The following TLR6 variants were observed in gnomAD, a reference collection of about 807,000 sequenced individuals.
TLR6 encodes the protein toll-like receptor 6.
A neutral mutation model predicts 16.1 loss-of-function variants in TLR6; 9 were observed. That is an observed-to-expected ratio of 0.56 (90% confidence interval 0.34 to 0.98). The LOEUF (loss-of-function observed/expected upper bound fraction) is 0.98, where lower values mean the gene tolerates loss of function less well. TLR6 is among the 50% of genes least tolerant of loss of function. TLR6 has a pLI of 0.02. For missense variants in TLR6, 786 were observed against 921.0 expected, an observed-to-expected ratio of 0.85 and a Z score of 1.90; for synonymous variants, 340 against 338.6, an observed-to-expected ratio of 1.00 and a Z score of -0.04.
intron 1 of TLR6, among the ~76,000 whole-genome samples, chr4:38,844,861 C>T (rs1231885335): frequency 6.6e-6 from 1 of 152,106 alleles, no homozygotes; most frequent in African/African-American, 2.4e-5. Flanking sequence ...CGAGACCAGC[C>T]TTGCCAACAT....
At chr4:38,830,868 G>C (rs1711541394) in intron 1 of TLR6, among the ~76,000 whole-genome samples, 1 of 152,110 alleles carries the variant, frequency 6.6e-6, no homozygotes, top group Non-Finnish European at 1.5e-5. Flanking sequence ...CAGTGGACTT[G>C]CTCTACGTTT....
At chr4:38,864,810 G>C in the TLR6 span, among the ~76,000 whole-genome samples, 124 of 152,266 alleles carry the variant, frequency 8.1e-4, 3 homozygotes, top group African/African-American at 2.9e-3. Flanking sequence ...CCAGGAGTTT[G>C]AGACCAGCCT....
At position 38,829,442 on chromosome 4, in the gene TLR6, CT is replaced by C; in HGVS notation, c.31del (p.Ser11AlafsTer8). 6.2e-7 allele frequency: 1 copy of C among 1,613,238 alleles called. No homozygotes were observed. The highest frequency in any genetic ancestry group is 8.5e-7 in the Non-Finnish European group (1 of 1,179,750). On this transcript the variant is annotated frameshift_variant, in exon 2 of 2. Coordinates refer to ENST00000436693, the Ensembl canonical transcript of TLR6. LOFTEE classifies it low-confidence loss of function (END_TRUNC). ...GATCATAAGGCAAACAAAATGGAAG[CT>C]TTTAACAATAGGTTCTTTGTCTTTG...
At chr4:38,844,978 G>A (rs943252553) in intron 1 of TLR6, among the ~76,000 whole-genome samples, 5 of 152,110 alleles carry the variant, frequency 3.3e-5, no homozygotes, top group Non-Finnish European at 7.3e-5. Flanking sequence ...AGAATCGTTC[G>A]AACCTGGGAG....
exon 2 of TLR6, chr4:38,828,564 A>G (rs1249113195): frequency 3.1e-6 from 5 of 1,613,914 alleles, no homozygotes; most frequent in East Asian, 2.2e-5. Flanking sequence ...AATGCTTTCA[A>G]TGTCGTTTTA....
At chr4:38,859,510 T>C (rs1432388264), upstream of TLR6, among the ~76,000 whole-genome samples, 7 of 151,382 alleles carry the variant, frequency 4.6e-5, no homozygotes, top group African/African-American at 1.5e-4. Context: ...TCTCAAAAGA[T>C]ACATAAGAAA....
chr4:38,848,717 G>T (rs533948867), intron 1 of TLR6, among the ~76,000 whole-genome samples: 1 of 152,312 alleles, frequency 6.6e-6, no homozygotes, highest in Non-Finnish European at 1.5e-5. Flanking sequence ...AGTGAGAAGA[G>T]AAGTTTAGAG....
chr4:38,834,984 A>G (rs961022563), intron 1 of TLR6, among the ~76,000 whole-genome samples: 11 of 152,264 alleles, frequency 7.2e-5, no homozygotes, highest in African/African-American at 2.7e-4. Flanking sequence ...CATAAATGAA[A>G]GAGAAAAGAG....
intron 1 of TLR6, among the ~76,000 whole-genome samples, chr4:38,855,167 G>A (rs1234803306): frequency 6.7e-6 from 1 of 150,120 alleles, no homozygotes; most frequent in East Asian, 2.0e-4. Context: ...AGCCGAGATC[G>A]TGCCGCTGCA....
intron 1 of TLR6, among the ~76,000 whole-genome samples, chr4:38,839,309 T>TA (rs148750205): frequency 0.019 from 2,302 of 119,308 alleles, 37 homozygotes; most frequent in African/African-American, 0.068. Context: ...TGATTTTTTT[T>TA]TAAAAAAAAT....
At chr4:38,849,310 G>A (rs1712671025) in intron 1 of TLR6, among the ~76,000 whole-genome samples, 1 of 152,180 alleles carries the variant, frequency 6.6e-6, no homozygotes, top group South Asian at 2.1e-4. Context: ...ACCGGTACCA[G>A]CCACTGCAAC....
the TLR6 span, among the ~76,000 whole-genome samples, chr4:38,866,774 T>C: frequency 6.6e-6 from 1 of 152,130 alleles, no homozygotes; most frequent in Admixed American, 6.5e-5. Context: ...TGTATTTATA[T>C]AAGCTTAGAA....
chr4:38,838,925 GAGGGAAGGA>G (rs1202641694), intron 1 of TLR6, among the ~76,000 whole-genome samples: 1 of 127,212 alleles, frequency 7.9e-6, no homozygotes, highest in East Asian at 2.6e-4. Flanking sequence ...GGGAGGGAGG[GAGGGAAGGA>G]AGGAAGGAAG....
At chr4:38,859,463 A>G (rs1236402847), upstream of TLR6, among the ~76,000 whole-genome samples, 2 of 152,198 alleles carry the variant, frequency 1.3e-5, no homozygotes, top group Non-Finnish European at 2.9e-5. Context: ...ACAAGGGTCT[A>G]CATACATATG....
At chr4:38,852,680 G>C (rs1271070510) in intron 1 of TLR6, among the ~76,000 whole-genome samples, 18 of 151,166 alleles carry the variant, frequency 1.2e-4, no homozygotes, top group Non-Finnish European at 3.0e-5. Flanking sequence ...ACCACAATGA[G>C]ATACCGTCTC....
chr4:38,862,677 C>T, the TLR6 span, among the ~76,000 whole-genome samples: 1 of 144,000 alleles, frequency 6.9e-6, no homozygotes. Flanking sequence ...CTCACTGCAA[C>T]CTCCGCCTCC....
At chr4:38,849,216 A>G (rs1237442270) in intron 1 of TLR6, among the ~76,000 whole-genome samples, 1 of 152,198 alleles carries the variant, frequency 6.6e-6, no homozygotes, top group Non-Finnish European at 1.5e-5. Flanking sequence ...TCCTTTACAG[A>G]CAAGCAAATG....
chr4:38,859,585 G>C (rs1408707636), upstream of TLR6, among the ~76,000 whole-genome samples: 1 of 59,658 alleles, frequency 1.7e-5, no homozygotes, highest in Non-Finnish European at 3.4e-5. Context: ...TTTTTTTTGA[G>C]ACAGGGTCTC....
chr4:38,830,535 T>C (rs1727769441), intron 1 of TLR6, among the ~76,000 whole-genome samples: 1 of 152,022 alleles, frequency 6.6e-6, no homozygotes, highest in African/African-American at 2.4e-5. Flanking sequence ...CGCAACATAG[T>C]GAAACTCCAT....
Sources: gnomAD v4.1 joint callset for allele counts (sites outside exome capture counted in the v4.1 genomes callset) on GRCh38, gnomAD v4.1.1 for gene constraint, MANE v1.5 for transcripts, NCBI Gene and HGNC (gene_info 2026-07-23, HGNC 2026-07-21) for gene names.